The following RBPJ variants were observed in gnomAD, a reference collection of about 807,000 sequenced individuals.
RBPJ encodes the protein recombination signal binding protein for immunoglobulin kappa J region, also known as recombining binding protein suppressor of hairless.
A neutral mutation model predicts 67.8 loss-of-function variants in RBPJ; 9 were observed. That is an observed-to-expected ratio of 0.13 (90% CI 0.08 to 0.23). The LOEUF is 0.23. RBPJ is among the 10% of genes least tolerant of loss of function. RBPJ has a pLI of 1.00. For missense variants in RBPJ, 305 were observed against 595.6 expected (o/e 0.51, Z 5.08); for synonymous variants, 198 against 203.3 (o/e 0.97, Z 0.22).
chr4:26,261,494 T>C (rs1720535199), intron 1 of RBPJ, among the ~76,000 whole-genome samples: 1 of 151,998 alleles, frequency 6.6e-6, no homozygotes. Context: ...GAAAAGTAAA[T>C]ATCGGATAAA....
At chr4:26,320,977 G>C, upstream of RBPJ, 7 of 1,611,966 alleles carry the variant, frequency 4.3e-6, no homozygotes, top group East Asian at 2.2e-5. Context: ...ACCAGGGAAG[G>C]CGTCGGGGGG....
chr4:26,266,421 G>C (rs1338739189), intron 1 of RBPJ, among the ~76,000 whole-genome samples: 1 of 152,158 alleles, frequency 6.6e-6, no homozygotes, highest in Non-Finnish European at 1.5e-5. Flanking sequence ...TGAATAAGTA[G>C]ACTGTTATGG....
chr4:26,145,028 CTTTT>C, the RBPJ span, among the ~76,000 whole-genome samples: 3 of 146,678 alleles, frequency 2.0e-5, no homozygotes, highest in African/African-American at 7.7e-5. Flanking sequence ...TCTTCTTCTT[CTTTT>C]TTTTTTTTTT....
At chr4:26,253,580 G>C (rs1720192441) in intron 1 of RBPJ, among the ~76,000 whole-genome samples, 1 of 150,984 alleles carries the variant, frequency 6.6e-6, no homozygotes, top group Non-Finnish European at 1.5e-5. Flanking sequence ...CAAAGTGCTG[G>C]GTTAATCTGC....
chr4:26,415,743 G>A, intron 4 of RBPJ, 103 bp downstream of exon 4: 3 of 1,126,590 alleles, frequency 2.7e-6, no homozygotes, highest in Non-Finnish European at 3.8e-6. Context: ...AATAACTATT[G>A]GTAACAATTT....
At chr4:26,387,001 T>C (rs1225535530) in intron 2 of RBPJ, among the ~76,000 whole-genome samples, 2 of 152,126 alleles carry the variant, frequency 1.3e-5, no homozygotes, top group African/African-American at 2.4e-5. Context: ...ATGAGATATA[T>C]ATATATATGT....
intron 1 of RBPJ, among the ~76,000 whole-genome samples, chr4:26,221,242 C>T (rs976294318): frequency 3.3e-5 from 5 of 152,174 alleles, no homozygotes; most frequent in Non-Finnish European, 7.3e-5. Flanking sequence ...AGGCGCCCGC[C>T]ACCACGCCCG....
intron 1 of RBPJ, among the ~76,000 whole-genome samples, chr4:26,259,243 G>A (rs906511069): frequency 4.6e-5 from 7 of 152,196 alleles, no homozygotes; most frequent in African/African-American, 1.7e-4. Flanking sequence ...GAAGCATGAT[G>A]TATTGGAGAA....
intron 2 of RBPJ, among the ~76,000 whole-genome samples, chr4:26,394,005 A>C (rs1044154129): frequency 1.3e-5 from 2 of 150,050 alleles, no homozygotes; most frequent in African/African-American, 2.4e-5. Context: ...AATATATACT[A>C]TTCACTGTTA....
upstream of RBPJ, among the ~76,000 whole-genome samples, chr4:26,320,251 C>T (rs972584083): frequency 6.6e-6 from 1 of 152,212 alleles, no homozygotes; most frequent in African/African-American, 2.4e-5. Flanking sequence ...CGTGTGTCTG[C>T]GAGGTGGCCA....
chr4:26,253,297 T>C (rs913696021), intron 1 of RBPJ, among the ~76,000 whole-genome samples: 1 of 149,016 alleles, frequency 6.7e-6, no homozygotes, highest in Non-Finnish European at 1.5e-5. Context: ...GATATCTTAA[T>C]CTGCTATTTC....
At chr4:26,207,741 A>C (rs1339911483) in intron 1 of RBPJ, among the ~76,000 whole-genome samples, 1 of 152,244 alleles carries the variant, frequency 6.6e-6, no homozygotes, top group African/African-American at 2.4e-5. Flanking sequence ...TTTTTAGAGG[A>C]GATGCTTTGA....
chr4:26,235,562 T>G (rs1048452409), intron 1 of RBPJ, among the ~76,000 whole-genome samples: 3 of 152,196 alleles, frequency 2.0e-5, no homozygotes, highest in Non-Finnish European at 4.4e-5. Flanking sequence ...GGTGATGCAA[T>G]TTAGGAATGA....
intron 2 of RBPJ, among the ~76,000 whole-genome samples, chr4:26,392,209 A>C (rs1339539047): frequency 6.6e-6 from 1 of 152,250 alleles, no homozygotes; most frequent in Non-Finnish European, 1.5e-5. Flanking sequence ...TACTTTTCAT[A>C]CACTGGCAGT....
chr4:26,403,102 A>T (rs1733016157), intron 2 of RBPJ, among the ~76,000 whole-genome samples: 1 of 152,186 alleles, frequency 6.6e-6, no homozygotes, highest in South Asian at 2.1e-4. Context: ...ACGTATTTTT[A>T]AAAAACCTTA....
chr4:26,169,072 CTCAAAG>C (rs1323200466), intron 1 of RBPJ, among the ~76,000 whole-genome samples: 2 of 152,232 alleles, frequency 1.3e-5, no homozygotes, highest in African/African-American at 4.8e-5. Context: ...CTCTCAACTC[CTCAAAG>C]TCATTCTCTG....
chr4:26,329,175 T>C (rs912172341), intron 1 of RBPJ, among the ~76,000 whole-genome samples: 3 of 152,136 alleles, frequency 2.0e-5, no homozygotes, highest in Non-Finnish European at 2.9e-5. Flanking sequence ...GTATTTTCAG[T>C]AGAGACGGGG....
chr4:26,111,443 TTC>T, the RBPJ span, among the ~76,000 whole-genome samples: 2 of 152,260 alleles, frequency 1.3e-5, no homozygotes, highest in Admixed American at 6.5e-5. Context: ...CATCTCTTTC[TTC>T]TCTTCTTCTA....
At chr4:26,401,173 C>T (rs541785058) in intron 2 of RBPJ, among the ~76,000 whole-genome samples, 1 of 152,302 alleles carries the variant, frequency 6.6e-6, no homozygotes, top group East Asian at 1.9e-4. Flanking sequence ...TAAAGTGTCC[C>T]CCTGCCCCCA....
Sources: gnomAD v4.1 joint callset for allele counts (sites outside exome capture counted in the v4.1 genomes callset) on GRCh38, gnomAD v4.1.1 for gene constraint, MANE v1.5 for transcripts, NCBI Gene and HGNC (gene_info 2026-07-23, HGNC 2026-07-21) for gene names.